Variants in TRMT9B observed in about 807,000 individuals in gnomAD.
TRMT9B encodes probable tRNA methyltransferase 9B.
Under a neutral mutation model 11.5 loss-of-function variants are expected in TRMT9B, and 16 were observed. That is an observed-to-expected ratio of 1.39 (90% confidence interval 0.94 to 2.11). The LOEUF (loss-of-function observed/expected upper bound fraction) is 2.11. Ranked by LOEUF, TRMT9B falls within the 30% of genes most tolerant of loss-of-function variation. TRMT9B has a pLI of 0.00. For missense variants in TRMT9B, 941 were observed against 553.8 expected, an observed-to-expected ratio of 1.70 and a Z score of -7.02; for synonymous variants, 274 against 192.4, an observed-to-expected ratio of 1.42 and a Z score of -3.51.
chr8:13,020,630 C>T (rs1813651068), intron 4 of TRMT9B, among the ~76,000 whole-genome samples: 1 of 152,034 alleles, frequency 6.6e-6, no homozygotes, highest in Non-Finnish European at 1.5e-5. Flanking sequence ...TTTAATATCT[C>T]TTTCAAATTT....
At chr8:12,989,945 A>G (rs1365320393) in intron 1 of TRMT9B, among the ~76,000 whole-genome samples, 3 of 152,218 alleles carry the variant, frequency 2.0e-5, no homozygotes, top group African/African-American at 7.2e-5. Context: ...TGAAGACTAG[A>G]GAGAAGTTTT....
chr8:12,990,003 G>C (rs1465659681), intron 1 of TRMT9B, among the ~76,000 whole-genome samples: 5 of 152,286 alleles, frequency 3.3e-5, no homozygotes, highest in Non-Finnish European at 1.5e-5. Context: ...CCAGGACTAG[G>C]GTTGGGCTGG....
chr8:12,979,918 G>A (rs1043982953), intron 1 of TRMT9B, among the ~76,000 whole-genome samples: 32 of 152,124 alleles, frequency 2.1e-4, no homozygotes, highest in East Asian at 1.9e-4. Flanking sequence ...AACCCTGATC[G>A]TCTGAGAAGG....
chr8:13,002,131 G>A (rs143204092), intron 2 of TRMT9B, among the ~76,000 whole-genome samples: 21 of 152,252 alleles, frequency 1.4e-4, no homozygotes, highest in African/African-American at 4.8e-4. Flanking sequence ...TAGGTTACCC[G>A]ATGGTAGTAG....
intron 1 of TRMT9B, among the ~76,000 whole-genome samples, chr8:12,946,265 C>T (rs754072147): frequency 2.0e-5 from 3 of 151,858 alleles, no homozygotes; most frequent in Non-Finnish European, 2.9e-5. Context: ...ATGGAAGAGA[C>T]GGCCTTGGCA....
rs1237554825 is a variant in TRMT9B at position 13,023,010 on chromosome 8, G to C, written c.*966G>C. 1 of 166,418 alleles carries C rather than the reference G, an allele frequency of 6.0e-6. No homozygotes were observed. Among genetic ancestry groups the C allele is most frequent in the African/African-American group, 2.4e-5 (1 of 41,320 alleles). The allele number at this position is 166,418 out of a possible 1,614,324, so 10.3% of individuals were successfully genotyped here. ...AATAATAATAATAATAATAATAAAG[G>C]CGTTGTTAGCTTGTAAGGAGTGGAG... On this transcript the variant is annotated 3_prime_UTR_variant, in exon 5 of 5. Transcript: ENST00000524591.
intron 1 of TRMT9B, among the ~76,000 whole-genome samples, chr8:12,978,444 T>C (rs1458013632): frequency 6.6e-6 from 1 of 152,092 alleles, no homozygotes; most frequent in Non-Finnish European, 1.5e-5. Flanking sequence ...TTGGTACATT[T>C]GTTTACCCCT....
At chr8:12,997,953 T>C (rs1469274433) in intron 2 of TRMT9B, among the ~76,000 whole-genome samples, 1 of 152,172 alleles carries the variant, frequency 6.6e-6, no homozygotes, top group African/African-American at 2.4e-5. Context: ...TTTGTATAGG[T>C]GGTGGGATCC....
chr8:12,986,318 TC>T (rs1444788186), intron 1 of TRMT9B, among the ~76,000 whole-genome samples: 1 of 152,184 alleles, frequency 6.6e-6, no homozygotes, highest in Non-Finnish European at 1.5e-5. Context: ...CCTGGGGCCA[TC>T]CTTCTTTTCT....
At chr8:12,953,982 G>A (rs1800970670) in intron 1 of TRMT9B, among the ~76,000 whole-genome samples, 1 of 152,158 alleles carries the variant, frequency 6.6e-6, no homozygotes, top group Non-Finnish European at 1.5e-5. Context: ...TTCAATTACC[G>A]TAATGATGTT....
chr8:12,968,876 G>A (rs1214261979), intron 1 of TRMT9B, among the ~76,000 whole-genome samples: 2 of 152,168 alleles, frequency 1.3e-5, no homozygotes, highest in African/African-American at 2.4e-5. Flanking sequence ...GCAGGACTTC[G>A]GCAGTGGTCA....
chr8:12,979,769 C>T (rs1031453892), intron 1 of TRMT9B, among the ~76,000 whole-genome samples: 12 of 152,138 alleles, frequency 7.9e-5, no homozygotes, highest in African/African-American at 2.9e-4. Context: ...ATGACCAACA[C>T]ATTTTTTAAA....
At chr8:12,990,342 A>G (rs1001669448) in intron 1 of TRMT9B, among the ~76,000 whole-genome samples, 5 of 152,262 alleles carry the variant, frequency 3.3e-5, no homozygotes, top group African/African-American at 9.6e-5. Context: ...TTAATAACTA[A>G]AAGCCTTTTG....
intron 2 of TRMT9B, among the ~76,000 whole-genome samples, chr8:12,994,939 C>T (rs1208483202): frequency 6.6e-6 from 1 of 152,206 alleles, no homozygotes; most frequent in African/African-American, 2.4e-5. Flanking sequence ...GCCTCGGCCT[C>T]CCAAAGTGCT....
At chr8:13,011,864 A>G in intron 3 of TRMT9B, 1 of 979,648 alleles carries the variant, frequency 1.0e-6, no homozygotes, top group Non-Finnish European at 1.2e-6. Context: ...TTTCTAATTC[A>G]AGTTCAAATT....
chr8:12,999,455 T>A (rs1040520963), intron 2 of TRMT9B, among the ~76,000 whole-genome samples: 1 of 152,140 alleles, frequency 6.6e-6, no homozygotes, highest in African/African-American at 2.4e-5. Flanking sequence ...CACATATGTA[T>A]GTAAAAACAT....
chr8:12,956,446 A>G (rs1027436971), intron 1 of TRMT9B, among the ~76,000 whole-genome samples: 1 of 152,232 alleles, frequency 6.6e-6, no homozygotes, highest in Non-Finnish European at 1.5e-5. Context: ...ATGAATAACT[A>G]AAAATTACCA....
At chr8:12,955,582 A>T (rs1205040605) in intron 1 of TRMT9B, among the ~76,000 whole-genome samples, 1 of 152,138 alleles carries the variant, frequency 6.6e-6, no homozygotes, top group Non-Finnish European at 1.5e-5. Flanking sequence ...TTAAAGGTGT[A>T]ACTGCGAATG....
chr8:12,966,154 C>CT (rs1220303773), intron 1 of TRMT9B, among the ~76,000 whole-genome samples: 2 of 151,822 alleles, frequency 1.3e-5, no homozygotes, highest in Non-Finnish European at 2.9e-5. Flanking sequence ...AGTAAGACCC[C>CT]CCCCATCTCT....
Sources: gnomAD v4.1 joint callset for allele counts (sites outside exome capture counted in the v4.1 genomes callset) on GRCh38, gnomAD v4.1.1 for gene constraint, MANE v1.5 for transcripts, NCBI Gene and HGNC (gene_info 2026-07-23, HGNC 2026-07-21) for gene names.